SLC36A3: variants seen among roughly 807,000 people sequenced by gnomAD.
SLC36A3 encodes solute carrier family 36 member 3, also known as proton-coupled amino acid transporter 3.
In SLC36A3, 35 loss-of-function variants were observed where a neutral mutation model predicts 44.3. That is an observed-to-expected ratio of 0.79 (90% confidence interval 0.60 to 1.05). The LOEUF (loss-of-function observed/expected upper bound fraction) is 1.05. SLC36A3 is among the 50% of genes least tolerant of loss of function. SLC36A3 has a pLI of 0.00. For missense variants in SLC36A3, 540 were observed against 578.7 expected (o/e 0.93, Z 0.69); for synonymous variants, 211 against 227.6 (o/e 0.93, Z 0.66).
At chr5:151,298,467 G>A in intron 2 of SLC36A3, 126 bp downstream of exon 2, 1 of 874,072 alleles carries the variant, frequency 1.1e-6, no homozygotes, top group Non-Finnish European at 1.8e-6. Flanking sequence ...GATGCCAACA[G>A]GCACATTTTC....
At chr5:151,299,248 C>CTATATA (rs1755072787) in intron 1 of SLC36A3, among the ~76,000 whole-genome samples, 18 of 95,132 alleles carry the variant, frequency 1.9e-4, no homozygotes, top group South Asian at 3.9e-4. Context: ...CTCTCTCTCT[C>CTATATA]TCTCTCTCTC....
At chr5:151,281,307 G>C in intron 8 of SLC36A3, 124 bp from the exon 9 acceptor site, 1 of 964,028 alleles carries the variant, frequency 1.0e-6, no homozygotes, top group Non-Finnish European at 1.5e-6. Flanking sequence ...AATCTGAAAT[G>C]CTTCAAAATC....
intron 1 of SLC36A3, among the ~76,000 whole-genome samples, chr5:151,302,177 T>C (rs1364478996): frequency 2.0e-5 from 3 of 152,242 alleles, no homozygotes; most frequent in Admixed American, 6.5e-5. Context: ...AAATAAATAT[T>C]TGTATGTTTT....
intron 9 of SLC36A3, among the ~76,000 whole-genome samples, chr5:151,279,284 G>A (rs1754222120): frequency 6.6e-6 from 1 of 152,142 alleles, no homozygotes; most frequent in South Asian, 2.1e-4. Context: ...GCATTATCAT[G>A]TCCCATCTTA....
rs1243767861 is a variant in SLC36A3 at position 151,277,357 on chromosome 5, G to A, written c.*36C>T. The A allele has an allele frequency of 6.2e-7, 1 of 1,607,600 alleles. No individual in the cohort carries two copies. The highest frequency in any genetic ancestry group is 8.5e-7 in the Non-Finnish European group (1 of 1,175,414). On this transcript the variant is annotated 3_prime_UTR_variant, in exon 10 of 10. Transcript: ENST00000335230. Reference sequence around the variant, plus strand: ...CCACATGGAAGTCAAACTGGGGATGGGAGGAAGGGAGAGCTATTAGAATAA... The same window carrying A: ...CCACATGGAAGTCAAACTGGGGATGAGAGGAAGGGAGAGCTATTAGAATAA...
rs147738288 is a variant in SLC36A3 at position 151,277,638 on chromosome 5, G to A, written c.1168C>T (p.Arg390Cys). ...LTCVSAILIPRLDLVISLVGS... is the reference protein window; with the variant it reads ...LTCVSAILIPCLDLVISLVGS... The stretch of plus-strand genomic sequence containing the variant: ...ACCAGGGAGATGACCAAGTCCAGGC[G>A]GGGGATGAGGATGGCTGAGACACCT... The change falls in exon 10 of 10, where the codon CGC (arginine) becomes TGC (cysteine). Residue 390 changes from arginine to cysteine, a missense_variant. By Grantham distance (180) the Arg-to-Cys change is radical. Coordinates refer to ENST00000335230, the MANE Select transcript of SLC36A3 (RefSeq NM_181774.4). The A allele has an allele frequency of 1.2e-5, 20 of 1,614,068 alleles. No homozygotes were observed. Among genetic ancestry groups the A allele is most frequent in the African/African-American group, 6.7e-5 (5 of 75,030 alleles).
chr5:151,284,735 A>G, intron 6 of SLC36A3, 24 bp from the exon 7 acceptor site: 1 of 1,587,102 alleles, frequency 6.3e-7, no homozygotes, highest in Admixed American at 1.7e-5. Flanking sequence ...GGAGAAGCAC[A>G]TTGGTGTTGT....
In SLC36A3 at chr5:151,295,835, G is replaced by A. The variant is rs141454286; in HGVS notation, c.308+345C>T. ...GGAGTGGGAGAAGGTTGGGGATGGAGAGGCTAAAAGGAAGAGAAGAAAGTC... is the reference window on the plus strand; with the variant it reads ...GGAGTGGGAGAAGGTTGGGGATGGAAAGGCTAAAAGGAAGAGAAGAAAGTC... On this transcript the variant is annotated intron_variant, in intron 3 of 9. Transcript: ENST00000335230. Among the ~76,000 whole-genome samples, 461 of 152,314 alleles carry A rather than the reference G, an allele frequency of 3.0e-3. 4 individuals carry two copies. The highest frequency in any genetic ancestry group is 0.011 in the African/African-American group (445 of 41,568).
intron 4 of SLC36A3, among the ~76,000 whole-genome samples, chr5:151,293,062 T>C (rs968675302): frequency 6.6e-6 from 1 of 152,094 alleles, no homozygotes; most frequent in Non-Finnish European, 1.5e-5. Context: ...AAAAATCAAA[T>C]TTTCAGAAAT....
At chr5:151,279,996 G>T (rs1484104164) in intron 9 of SLC36A3, among the ~76,000 whole-genome samples, 8 of 152,064 alleles carry the variant, frequency 5.3e-5, no homozygotes, top group Non-Finnish European at 1.0e-4. Flanking sequence ...ATTCCTCATG[G>T]GTCATCGTTT....
At chr5:151,292,015 C>A (rs1754774990) in intron 4 of SLC36A3, among the ~76,000 whole-genome samples, 1 of 152,112 alleles carries the variant, frequency 6.6e-6, no homozygotes, top group Admixed American at 6.5e-5. Context: ...CACCCACCAC[C>A]AAGCCTGGCT....
In SLC36A3 at chr5:151,293,469, A is replaced by C. The variant is rs749276597; in HGVS notation, c.309-10T>G. On this transcript the variant is annotated splice_polypyrimidine_tract_variant and intron_variant, in intron 3 of 9. Coordinates refer to ENST00000335230, the MANE Select transcript of SLC36A3 (RefSeq NM_181774.4). ...AAAAGTCTTCTGCAGTCTAGGGGGA[A>C]AGAACAAACAATGCATAATTTAAAA... is the stretch of plus-strand genomic sequence containing the variant. 5.0e-6 allele frequency: 8 copies of C among 1,602,444 alleles called. No homozygotes were observed. Among genetic ancestry groups the C allele is most frequent in the Non-Finnish European group, 6.8e-6 (8 of 1,172,752 alleles).
chr5:151,277,584 G>C lies in SLC36A3; in HGVS notation c.1222C>G (p.Leu408Val). 3 of 1,614,192 alleles carry C rather than the reference G, an allele frequency of 1.9e-6. No homozygotes were observed. The highest frequency in any genetic ancestry group is 2.2e-5 in the East Asian group (1 of 44,884). Residue 408 changes from leucine to valine, a missense_variant, in exon 10 of 10, where the codon CTC (leucine) becomes GTC (valine). Leu to Val is a conservative substitution (Grantham distance 32). Coordinates refer to ENST00000335230, the MANE Select transcript of SLC36A3 (RefSeq NM_181774.4). ...VGSVSSSALA[L>V]IIPALLEIVI... ...ATCTCCAGGAGGGCTGGGATGATGA[G>C]AGCCAGGGCGCTGCTGCTCACGGAG...
chr5:151,280,207 C>A lies in SLC36A3; in HGVS notation c.1144+807G>T, dbSNP rs139953136. On this transcript the variant is annotated intron_variant, in intron 9 of 9. Coordinates refer to ENST00000335230, the MANE Select transcript of SLC36A3 (RefSeq NM_181774.4). The stretch of plus-strand genomic sequence containing the variant: ...GCATGGTTCACATCTGTAATCCCAG[C>A]ACTTTGGGAGGCTGAGGCAGGCAGA... 5.4e-3 allele frequency among the ~76,000 whole-genome samples: 820 copies of A among 152,258 alleles called. 9 individuals carry two copies. The highest frequency in any genetic ancestry group is 0.019 in the African/African-American group (775 of 41,532).
At chr5:151,282,159 T>C (rs1444733573) in intron 8 of SLC36A3, among the ~76,000 whole-genome samples, 1 of 147,526 alleles carries the variant, frequency 6.8e-6, no homozygotes, top group African/African-American at 2.5e-5. Flanking sequence ...TCGCTTTTAT[T>C]GCCCAGGCTG....
At chr5:151,300,974 A>G (rs1050862007) in intron 1 of SLC36A3, among the ~76,000 whole-genome samples, 1 of 152,240 alleles carries the variant, frequency 6.6e-6, no homozygotes, top group Admixed American at 6.5e-5. Context: ...ATCACTTGTA[A>G]TGACTGTATC....
intron 6 of SLC36A3, 47 bp from the exon 7 acceptor site, chr5:151,284,758 GTCATCCCA>G: frequency 6.8e-7 from 1 of 1,480,124 alleles, no homozygotes; most frequent in Non-Finnish European, 9.3e-7. Context: ...TGGTGTCGAA[GTCATCCCA>G]AATCTTTGCC....
intron 1 of SLC36A3, among the ~76,000 whole-genome samples, chr5:151,299,223 G>GCGCT (rs1282842934): frequency 8.4e-5 from 8 of 94,794 alleles, no homozygotes; most frequent in Admixed American, 2.3e-4. Flanking sequence ...AATTGCTTGT[G>GCGCT]CGCTCTCTCT....
Position 151,277,525 on chromosome 5 carries a change from G to C in SLC36A3, c.1281C>G (p.Val427=). 6.2e-7 allele frequency: 1 copy of C among 1,614,194 alleles called. No individual in the cohort carries two copies. The highest frequency in any genetic ancestry group is 8.5e-7 in the Non-Finnish European group (1 of 1,180,040). ...VIFYSEDMSC[V]TIAKDIMISI... is the part of the protein sequence containing the mutation. ...TAATCATGATGTCCTTGGCAATGGT[G>C]ACACAGCTCATGTCCTCAGAGTAAA... is the stretch of plus-strand genomic sequence containing the variant. Residue 427 remains valine (V), a synonymous_variant, in exon 10 of 10, where the codon GTC becomes GTG. Coordinates refer to ENST00000335230, the MANE Select transcript of SLC36A3 (RefSeq NM_181774.4).
Sources: gnomAD v4.1 joint callset for allele counts (sites outside exome capture counted in the v4.1 genomes callset) on GRCh38, gnomAD v4.1.1 for gene constraint, MANE v1.5 for transcripts, NCBI Gene and HGNC (gene_info 2026-07-23, HGNC 2026-07-21) for gene names.